The following TMEM74 variants were observed in gnomAD, a reference collection of about 807,000 sequenced individuals.
TMEM74 encodes the protein transmembrane protein 74.
A neutral mutation model predicts 18.1 loss-of-function variants in TMEM74; 13 were observed. The ratio of observed to expected loss-of-function variants is 0.72; its 90% CI spans 0.47 to 1.14. The LOEUF is 1.14. Ranked by LOEUF, TMEM74 falls within the 50% of genes most tolerant of loss-of-function variation. The pLI is 0.00. For missense variants in TMEM74, 372 were observed against 375.9 expected (o/e 0.99, Z 0.09); for synonymous variants, 159 against 146.6 (o/e 1.08, Z -0.61).
At chr8:108,650,390 A>C (rs909812722) in intron 2 of TMEM74, among the ~76,000 whole-genome samples, 1 of 152,190 alleles carries the variant, frequency 6.6e-6, no homozygotes, top group African/African-American at 2.4e-5. Context: ...AATGTAAATC[A>C]GATTACATTT....
chr8:108,661,208 T>G (rs1045186293), intron 1 of TMEM74, among the ~76,000 whole-genome samples: 6 of 152,090 alleles, frequency 3.9e-5, no homozygotes, highest in African/African-American at 1.4e-4. Flanking sequence ...AGAGAACTGT[T>G]GGCCAAAATT....
intron 2 of TMEM74, among the ~76,000 whole-genome samples, chr8:108,621,901 G>A (rs746993341): frequency 6.6e-5 from 10 of 152,094 alleles, no homozygotes; most frequent in Non-Finnish European, 1.3e-4. Flanking sequence ...CACAAAATAA[G>A]CACTCAAGCA....
At chr8:108,649,347 C>T (rs1812750422) in intron 2 of TMEM74, among the ~76,000 whole-genome samples, 1 of 152,016 alleles carries the variant, frequency 6.6e-6, no homozygotes, top group African/African-American at 2.4e-5. Flanking sequence ...CAATAAATGC[C>T]AGCAGAATTG....
intron 1 of TMEM74, among the ~76,000 whole-genome samples, chr8:108,773,247 C>T (rs1814193239): frequency 6.6e-6 from 1 of 152,002 alleles, no homozygotes; most frequent in East Asian, 1.9e-4. Flanking sequence ...GCTTGAGAGC[C>T]TGATTTTTCT....
rs144222936 is a variant in TMEM74, at chr8:108,760,617, G to A, written n.119+26859C>T. 6.7e-3 allele frequency among the ~76,000 whole-genome samples: 1,012 copies of A among 152,090 alleles called. 7 individuals are homozygous for A. The highest frequency in any genetic ancestry group is 0.023 in the African/African-American group (962 of 41,500). On this transcript the variant is annotated intron_variant and non_coding_transcript_variant, in intron 1 of 3. Coordinates refer to the TMEM74 transcript ENST00000518838. ...GAGCTTCAGGAAGCTCTCCTTGGAA[G>A]AGATGCAATTATCCCCTTGCCCTTT...
intron 1 of TMEM74, among the ~76,000 whole-genome samples, chr8:108,750,745 T>G (rs898814395): frequency 2.0e-5 from 3 of 152,028 alleles, no homozygotes; most frequent in Non-Finnish European, 2.9e-5. Flanking sequence ...CATACTCAAC[T>G]CCCAAGGGTA....
chr8:108,660,026 C>T (rs1017858544), intron 1 of TMEM74, among the ~76,000 whole-genome samples: 1 of 152,210 alleles, frequency 6.6e-6, no homozygotes, highest in Middle Eastern at 3.2e-3. Flanking sequence ...TTCCACCTAA[C>T]CCCGCTTCCT....
intron 1 of TMEM74, 22 bp from the exon 2 acceptor site, chr8:108,785,159 G>A: frequency 1.3e-6 from 2 of 1,508,076 alleles, no homozygotes; most frequent in Non-Finnish European, 1.8e-6. Context: ...AACAGAGTTA[G>A]ATAAGAACCC....
At chr8:108,682,942 G>T (rs923145943) in intron 1 of TMEM74, among the ~76,000 whole-genome samples, 1 of 151,762 alleles carries the variant, frequency 6.6e-6, no homozygotes, top group Non-Finnish European at 1.5e-5. Flanking sequence ...TTTAGTAAGT[G>T]TATTAAGGAA....
At chr8:108,698,219 A>G (rs558767253) in intron 1 of TMEM74, among the ~76,000 whole-genome samples, 5 of 152,340 alleles carry the variant, frequency 3.3e-5, no homozygotes, top group Admixed American at 2.0e-4. Flanking sequence ...TTATAAGGTC[A>G]CACAATCAAG....
rs1420574548 is a variant in TMEM74, at chr8:108,648,284, A to G, written n.264+7009T>C. Among the ~76,000 whole-genome samples the G allele has an allele frequency of 9.9e-5, 15 of 152,086 alleles. 1 individual carries two copies. Among genetic ancestry groups the G allele is most frequent in the Non-Finnish European group, 7.4e-5 (5 of 68,018 alleles). ...TTGGAGCCTGGCCTCTTTCTGAGCT[A>G]AAGGCCTGAGACCACTATGTTTTTA... On this transcript the variant is annotated intron_variant and non_coding_transcript_variant, in intron 2 of 3. Transcript: ENST00000518838.
chr8:108,733,082 A>G (rs1414746423), intron 1 of TMEM74, among the ~76,000 whole-genome samples: 1 of 152,140 alleles, frequency 6.6e-6, no homozygotes, highest in Non-Finnish European at 1.5e-5. Flanking sequence ...ACCACTTTGG[A>G]AAATAGTATG....
At chr8:108,636,858 G>A (rs1283039849) in intron 2 of TMEM74, among the ~76,000 whole-genome samples, 1 of 148,162 alleles carries the variant, frequency 6.7e-6, no homozygotes, top group African/African-American at 2.7e-5. Context: ...TAACACCAGG[G>A]AATGGGTTCA....
intron 1 of TMEM74, among the ~76,000 whole-genome samples, chr8:108,700,129 T>TA (rs1813320710): frequency 1.3e-5 from 1 of 74,218 alleles, no homozygotes; most frequent in Non-Finnish European, 2.5e-5. Flanking sequence ...AGGCCATAAA[T>TA]GGTGTGTGTG....
At chr8:108,696,190 C>T (rs541599095) in intron 1 of TMEM74, among the ~76,000 whole-genome samples, 18 of 152,270 alleles carry the variant, frequency 1.2e-4, no homozygotes, top group East Asian at 9.6e-4. Context: ...TAAGATGAGG[C>T]ATTAAAGTGG....
Position 108,760,149 on chromosome 8 carries a change from GGAGA to G in TMEM74, n.119+27323_119+27326del, listed in dbSNP as rs72281415. ...GATTGCGCCACTGTTCTGCAGACTG[GGAGA>G]GAGAGAGAGAGAGAGAGAGAGGGAG... On this transcript the variant is annotated intron_variant and non_coding_transcript_variant, in intron 1 of 3. Transcript: ENST00000518838. Among the ~76,000 whole-genome samples, 262 of 143,980 alleles carry G rather than the reference GGAGA, an allele frequency of 1.8e-3. 1 individual carries two copies. Among genetic ancestry groups the G allele is most frequent in the Middle Eastern group, 7.1e-3 (2 of 282 alleles). The allele number at this position is 143,980 out of a possible 152,430, so 94.5% of individuals were successfully genotyped here.
chr8:108,721,021 G>A (rs1813582711), intron 1 of TMEM74, among the ~76,000 whole-genome samples: 4 of 152,044 alleles, frequency 2.6e-5, no homozygotes, highest in Admixed American at 2.6e-4. Flanking sequence ...CGCCCGCCTC[G>A]ACCTCCCAAA....
intron 2 of TMEM74, among the ~76,000 whole-genome samples, chr8:108,649,880 C>A (rs1457533247): frequency 6.6e-6 from 1 of 152,106 alleles, no homozygotes; most frequent in East Asian, 1.9e-4. Flanking sequence ...ACAGCCTCAA[C>A]CTTTTCTCTT....
intron 1 of TMEM74, among the ~76,000 whole-genome samples, chr8:108,769,950 C>CT (rs202033037): frequency 0.015 from 2,198 of 144,252 alleles, 40 homozygotes; most frequent in African/African-American, 0.046. Flanking sequence ...CTTCTAGCAT[C>CT]TTTTTTTTTT....
Sources: gnomAD v4.1 joint callset for allele counts (sites outside exome capture counted in the v4.1 genomes callset) on GRCh38, gnomAD v4.1.1 for gene constraint, MANE v1.5 for transcripts, NCBI Gene and HGNC (gene_info 2026-07-23, HGNC 2026-07-21) for gene names.